The following HSD17B12 variants were observed in gnomAD, a reference collection of about 807,000 sequenced individuals.
HSD17B12 encodes the protein very-long-chain 3-oxoacyl-CoA reductase.
Under a neutral mutation model 39.3 loss-of-function variants are expected in HSD17B12, and 32 were observed. The ratio of observed to expected loss-of-function variants is 0.81; its 90% CI spans 0.61 to 1.09. The LOEUF is 1.09. Among genes scored for constraint, HSD17B12 ranks in the 50% least tolerant of loss-of-function variants. HSD17B12 has a pLI of 0.00. For synonymous variants in HSD17B12, 150 were observed against 146.7 expected (o/e 1.02, Z -0.16); for missense variants, 342 against 382.9 (o/e 0.89, Z 0.89).
the HSD17B12 span, chr11:43,641,038 A>C: frequency 8.6e-5 from 13 of 151,964 alleles, 1 homozygote; most frequent in African/African-American, 2.9e-4. Context: ...TCTTTAGGTA[A>C]GGAAACGTTT....
chr11:43,590,627 T>TAGCCTC, the HSD17B12 span, among the ~76,000 whole-genome samples: 3 of 148,770 alleles, frequency 2.0e-5, no homozygotes, highest in Non-Finnish European at 4.5e-5. Context: ...GCCTTAGCCT[T>TAGCCTC]AGCCTCCTGA....
the HSD17B12 span, among the ~76,000 whole-genome samples, chr11:43,619,228 G>T: frequency 0.085 from 1,767 of 20,862 alleles, 36 homozygotes; most frequent in South Asian, 0.12. Context: ...ATATATATAT[G>T]ATATATATAT....
chr11:43,600,190 T>C, the HSD17B12 span, among the ~76,000 whole-genome samples: 3 of 152,202 alleles, frequency 2.0e-5, no homozygotes, highest in African/African-American at 7.2e-5. Flanking sequence ...TCTATTTTTA[T>C]ATGGCCATAT....
At chr11:43,686,388 G>A (rs1457588655) in intron 1 of HSD17B12, among the ~76,000 whole-genome samples, 2 of 152,156 alleles carry the variant, frequency 1.3e-5, no homozygotes, top group African/African-American at 4.8e-5. Context: ...GATTAAAGTT[G>A]GCAGGGCAAC....
the HSD17B12 span, among the ~76,000 whole-genome samples, chr11:43,642,193 A>G: frequency 8.7e-3 from 1,322 of 151,806 alleles, 17 homozygotes; most frequent in African/African-American, 0.03. Flanking sequence ...GAAATTACTA[A>G]ATTTTTTGGT....
chr11:43,714,963 C>A (rs924863555), intron 1 of HSD17B12, among the ~76,000 whole-genome samples: 5 of 152,084 alleles, frequency 3.3e-5, no homozygotes, highest in Non-Finnish European at 7.4e-5. Context: ...GTGATTTTTG[C>A]ACATTGATTT....
the HSD17B12 span, among the ~76,000 whole-genome samples, chr11:43,593,055 A>G: frequency 6.6e-6 from 1 of 152,162 alleles, no homozygotes; most frequent in Non-Finnish European, 1.5e-5. Flanking sequence ...AAATGCCGAA[A>G]TTGTATGCTC....
intron 1 of HSD17B12, among the ~76,000 whole-genome samples, chr11:43,729,133 A>G (rs1467332708): frequency 6.6e-6 from 1 of 152,196 alleles, no homozygotes; most frequent in Non-Finnish European, 1.5e-5. Flanking sequence ...GGGAAAGGCA[A>G]TAGAGTAGCA....
At chr11:43,564,028 G>C in the HSD17B12 span, among the ~76,000 whole-genome samples, 3 of 152,112 alleles carry the variant, frequency 2.0e-5, no homozygotes, top group South Asian at 6.2e-4. Flanking sequence ...ACCATGCCTG[G>C]CTATTTTTAT....
At chr11:43,577,291 G>A in the HSD17B12 span, among the ~76,000 whole-genome samples, 127 of 152,360 alleles carry the variant, frequency 8.3e-4, no homozygotes, top group African/African-American at 2.2e-3. Context: ...AGAGGGTTAA[G>A]GATGTTCAAA....
chr11:43,674,956 A>T, the HSD17B12 span, among the ~76,000 whole-genome samples: 1 of 152,088 alleles, frequency 6.6e-6, no homozygotes, highest in African/African-American at 2.4e-5. Context: ...TACAATTTTT[A>T]TCATATAATT....
At chr11:43,817,600 G>C (rs1951142626) in intron 6 of HSD17B12, among the ~76,000 whole-genome samples, 2 of 152,112 alleles carry the variant, frequency 1.3e-5, no homozygotes, top group South Asian at 4.1e-4. Context: ...TTGTTGAATA[G>C]GGTGTCCTTT....
the HSD17B12 span, chr11:43,584,678 A>G: frequency 6.6e-6 from 1 of 152,378 alleles, no homozygotes. Context: ...GTCCCAGGTG[A>G]GTACCAAGAT....
At chr11:43,758,397 G>C (rs778627568) in intron 3 of HSD17B12, among the ~76,000 whole-genome samples, 5 of 152,102 alleles carry the variant, frequency 3.3e-5, no homozygotes, top group Non-Finnish European at 7.4e-5. Flanking sequence ...GAGTAGCTTG[G>C]GAGTCCAAGA....
the HSD17B12 span, among the ~76,000 whole-genome samples, chr11:43,661,219 C>T: frequency 4.6e-5 from 7 of 152,248 alleles, no homozygotes; most frequent in South Asian, 1.4e-3. Context: ...CACAAAAAAC[C>T]ACATGCTGCA....
rs1951314751 is a variant in HSD17B12 at position 43,831,897 on chromosome 11, T to A, written c.536+887T>A. 6.6e-6 allele frequency among the ~76,000 whole-genome samples: 1 copy of A among 152,180 alleles called. No homozygotes were observed. The highest frequency in any genetic ancestry group is 2.1e-4 in the South Asian group (1 of 4,822). On this transcript the variant is annotated intron_variant, in intron 7 of 10. Coordinates refer to ENST00000278353, the MANE Select transcript of HSD17B12 (RefSeq NM_016142.3). This position sits in a 1 kb window ranked among gnomAD's most constrained non-coding sequence, Gnocchi z 4.1. ...CAGCTTATGTTTATTGAGTATATAG[T>A]AAGTGCCAGGAACTTAGTAAGTGTT...
intron 1 of HSD17B12, among the ~76,000 whole-genome samples, chr11:43,698,479 G>A (rs1040029579): frequency 6.6e-6 from 1 of 152,166 alleles, no homozygotes; most frequent in African/African-American, 2.4e-5. Flanking sequence ...ATTCCATGTA[G>A]CACATTGTGC....
intron 1 of HSD17B12, among the ~76,000 whole-genome samples, chr11:43,688,899 G>C (rs1450271022): frequency 6.6e-6 from 1 of 152,112 alleles, no homozygotes; most frequent in Non-Finnish European, 1.5e-5. Context: ...AGTCCTTACT[G>C]TATTTTTATG....
intron 1 of HSD17B12, among the ~76,000 whole-genome samples, chr11:43,742,211 CACT>C (rs1950374235): frequency 2.7e-5 from 4 of 150,032 alleles, no homozygotes; most frequent in African/African-American, 9.8e-5. Context: ...AATCATAACT[CACT>C]TCATCCTCAA....
Sources: allele counts gnomAD v4.1 joint callset (sites outside exome capture counted in the v4.1 genomes callset), GRCh38; gene constraint gnomAD v4.1.1; non-coding constraint Gnocchi (gnomAD v3.1); transcripts MANE v1.5; gene names NCBI Gene and HGNC (gene_info 2026-07-23, HGNC 2026-07-21).